The following DNAH9 variants were observed in gnomAD, a reference collection of about 807,000 sequenced individuals.
DNAH9 encodes DNAH9 variant protein.
In DNAH9, 345 loss-of-function variants were observed where a neutral mutation model predicts 471.6. The ratio of observed to expected loss-of-function variants is 0.73; its 90% confidence interval spans 0.67 to 0.80. The LOEUF (loss-of-function observed/expected upper bound fraction) is 0.80, where lower values mean the gene tolerates loss of function less well. DNAH9 is among the 30% of genes least tolerant of loss of function. The pLI, the probability that DNAH9 is intolerant of heterozygous loss-of-function variation, is 0.00. For synonymous variants in DNAH9, 2,093 were observed against 2,123.6 expected (o/e 0.99, Z 0.40); for missense variants, 5,407 against 5,609.2 (o/e 0.96, Z 1.15).
intron 14 of DNAH9, among the ~76,000 whole-genome samples, chr17:11,661,100 G>A (rs1031348517): frequency 1.3e-5 from 2 of 151,942 alleles, no homozygotes; most frequent in African/African-American, 4.8e-5. Flanking sequence ...AATTATAAAT[G>A]TGTAACATTT....
At chr17:11,749,799 C>T (rs1330502583) in intron 32 of DNAH9, among the ~76,000 whole-genome samples, 1 of 152,206 alleles carries the variant, frequency 6.6e-6, no homozygotes, top group African/African-American at 2.4e-5. Flanking sequence ...ATATTGAGAT[C>T]TGATTCTGGG....
intron 55 of DNAH9, among the ~76,000 whole-genome samples, chr17:11,882,522 C>T (rs935344263): frequency 1.1e-4 from 16 of 152,118 alleles, no homozygotes; most frequent in Middle Eastern, 3.2e-3. Flanking sequence ...CCGCTTCCTG[C>T]AATCATTCAT....
intron 11 of DNAH9, 51 bp downstream of exon 11, chr17:11,644,750 C>A: frequency 7.7e-7 from 1 of 1,304,050 alleles, no homozygotes; most frequent in Non-Finnish European, 1.1e-6. Context: ...AGCCTCCATG[C>A]TGCCTTTTGC....
chr17:11,934,871 C>G (rs1974653130), intron 65 of DNAH9, among the ~76,000 whole-genome samples: 1 of 152,198 alleles, frequency 6.6e-6, no homozygotes, highest in Non-Finnish European at 1.5e-5. Flanking sequence ...CAAGATCACT[C>G]AGGTCACTCA....
Position 11,598,703 on chromosome 17 carries a change from C to G in DNAH9, c.205C>G (p.Arg69Gly). The stretch of plus-strand genomic sequence containing the variant: ...GGGCCGCGATGCTGCCGAGGGGCCG[C>G]GGCCGCTGCTGGTGGTGCGGCCCGG... Reference protein sequence around the residue: ...FLGRDAAEGPRPLLVVRPGPR... With the variant: ...FLGRDAAEGPGPLLVVRPGPR... The change falls in exon 1 of 69, where the codon CGG becomes GGG. Residue 69 changes from arginine to glycine, a missense_variant. Physicochemically the swap from Arg to Gly is moderately radical, Grantham distance 125. Around this residue, in one of 3 missense-constraint regions of DNAH9, gnomAD observed 767 missense variants for 692.5 expected, o/e 1.11. Transcript: ENST00000262442. 1.5e-6 allele frequency: 2 copies of G among 1,372,510 alleles called. No individual in the cohort carries two copies. The highest frequency in any genetic ancestry group is 1.7e-5 in the South Asian group (1 of 60,586). The allele number at this position is 1,372,510 out of a possible 1,614,324, so 85.0% of individuals were successfully genotyped here.
chr17:11,602,109 AT>A (rs367956951), intron 1 of DNAH9, among the ~76,000 whole-genome samples: 13 of 150,122 alleles, frequency 8.7e-5, no homozygotes, highest in South Asian at 2.1e-4. Context: ...TGAAACTTGG[AT>A]TTTTTTTTTG....
chr17:11,620,416 G>A (rs1244451467), intron 6 of DNAH9, among the ~76,000 whole-genome samples: 1 of 151,716 alleles, frequency 6.6e-6, no homozygotes, highest in Middle Eastern at 3.2e-3. Flanking sequence ...GGGAGGCCGA[G>A]GCAGAGAATT....
At chr17:11,642,164 C>T (rs2073286831) in intron 10 of DNAH9, among the ~76,000 whole-genome samples, 1 of 152,092 alleles carries the variant, frequency 6.6e-6, no homozygotes, top group Admixed American at 6.6e-5. Context: ...GGCCTGGTCC[C>T]AAGAGGCGAT....
At chr17:11,887,581 A>T (rs1392707890) in intron 57 of DNAH9, among the ~76,000 whole-genome samples, 1 of 152,188 alleles carries the variant, frequency 6.6e-6, no homozygotes. Flanking sequence ...CATTCACCAA[A>T]AGACCACAAT....
At chr17:11,690,513 T>C (rs1185036005) in intron 20 of DNAH9, 77 bp downstream of exon 20, 7 of 1,346,590 alleles carry the variant, frequency 5.2e-6, no homozygotes, top group Non-Finnish European at 7.1e-6. Context: ...TCCTGCATTG[T>C]CTAGGCTCTT....
intron 30 of DNAH9, 105 bp from the exon 31 acceptor site, chr17:11,744,692 T>C: frequency 1.0e-6 from 1 of 1,003,356 alleles, no homozygotes; most frequent in East Asian, 2.4e-5. Context: ...CTGTCCAGGC[T>C]TCAGAGGTGA....
intron 20 of DNAH9, among the ~76,000 whole-genome samples, chr17:11,690,802 G>A (rs978281800): frequency 2.0e-5 from 3 of 152,178 alleles, no homozygotes; most frequent in African/African-American, 4.8e-5. Flanking sequence ...TCCACTGAAA[G>A]CGAGTCTCGT....
In DNAH9 at chr17:11,937,335, T is replaced by G; in HGVS notation, c.12490-17T>G. Reference sequence around the variant, plus strand: ...CGTCCTGGTTTCTTTTTAAGTGAGCTTGCCCTTGATTTTCAGTACATCGAT... The same window carrying G: ...CGTCCTGGTTTCTTTTTAAGTGAGCGTGCCCTTGATTTTCAGTACATCGAT... On this transcript the variant is annotated splice_polypyrimidine_tract_variant and intron_variant, in intron 65 of 68. Coordinates refer to ENST00000262442, the MANE Select transcript of DNAH9 (RefSeq NM_001372.4). This position sits in a 1 kb window ranked among gnomAD's most constrained non-coding sequence, Gnocchi z 4.1. 6.3e-7 allele frequency: 1 copy of G among 1,593,560 alleles called. No individual in the cohort carries two copies. Among genetic ancestry groups the G allele is most frequent in the Non-Finnish European group, 8.6e-7 (1 of 1,168,510 alleles).
At chr17:11,825,286 T>C (rs550481737) in intron 48 of DNAH9, among the ~76,000 whole-genome samples, 1 of 152,246 alleles carries the variant, frequency 6.6e-6, no homozygotes, top group Admixed American at 6.5e-5. Context: ...ACTACCAGAT[T>C]TTTAAAAACA....
rs148303995 is a variant in DNAH9, at chr17:11,933,419, T to C, written c.12298-461T>C. ...TTTTGAGATGGAGTTTCGCTCTTGTTGCCCAGGCTGGAGTGCAATGGCATG... is the reference window on the plus strand; with the variant it reads ...TTTTGAGATGGAGTTTCGCTCTTGTCGCCCAGGCTGGAGTGCAATGGCATG... On this transcript the variant is annotated intron_variant, in intron 64 of 68. Transcript: ENST00000262442. Among the ~76,000 whole-genome samples the C allele has an allele frequency of 2.6e-5, 4 of 152,074 alleles. No homozygotes were observed. The East Asian group carries it at 7.7e-4, about 29-fold the overall frequency.
At chr17:11,636,404 G>A (rs1240872188) in intron 8 of DNAH9, among the ~76,000 whole-genome samples, 1 of 152,300 alleles carries the variant, frequency 6.6e-6, no homozygotes, top group Non-Finnish European at 1.5e-5. Context: ...AAGTAGAGCT[G>A]GGGGTGAGTA....
At chr17:11,622,879 C>G (rs1361719054) in intron 6 of DNAH9, among the ~76,000 whole-genome samples, 1 of 152,052 alleles carries the variant, frequency 6.6e-6, no homozygotes, top group Admixed American at 6.6e-5. Context: ...CTTGCTGCCT[C>G]TCATTCTCTT....
At chr17:11,888,607 G>A (rs924244959) in intron 57 of DNAH9, among the ~76,000 whole-genome samples, 3 of 152,160 alleles carry the variant, frequency 2.0e-5, no homozygotes, top group Non-Finnish European at 2.9e-5. Flanking sequence ...TAGGGGAGAT[G>A]GAGTTTGGGT....
intron 48 of DNAH9, among the ~76,000 whole-genome samples, chr17:11,829,726 G>A (rs1184761274): frequency 3.9e-5 from 6 of 152,188 alleles, no homozygotes; most frequent in Non-Finnish European, 7.3e-5. Flanking sequence ...TCCCGCCTGG[G>A]CCTTCCAAAG....
Sources: gnomAD v4.1 joint callset for allele counts (sites outside exome capture counted in the v4.1 genomes callset) on GRCh38, gnomAD v4.1.1 for gene constraint, gnomAD v4.1.1 regional missense constraint, Gnocchi (gnomAD v3.1) non-coding constraint, MANE v1.5 for transcripts, NCBI Gene and HGNC (gene_info 2026-07-23, HGNC 2026-07-21) for gene names.